SCMH1: variants seen among roughly 807,000 people sequenced by gnomAD.
SCMH1 encodes Scm polycomb group protein homolog 1, also known as polycomb protein SCMH1.
SCMH1 carries 37 observed loss-of-function variants against 70.8 expected under a neutral mutation model. The observed-to-expected ratio is 0.52, with a 90% confidence interval of 0.40 to 0.69. The LOEUF (loss-of-function observed/expected upper bound fraction) is 0.69, where lower values mean the gene tolerates loss of function less well. Ranked by LOEUF, SCMH1 falls within the 30% of genes least tolerant of loss-of-function variation. The pLI, the probability that SCMH1 is intolerant of heterozygous loss-of-function variation, is 0.00. For missense variants in SCMH1, 607 were observed against 827.3 expected (o/e 0.73, Z 3.27); for synonymous variants, 292 against 307.4 (o/e 0.95, Z 0.52).
intron 5 of SCMH1, among the ~76,000 whole-genome samples, chr1:41,145,286 T>A (rs758684181): frequency 5.3e-5 from 8 of 152,158 alleles, no homozygotes; most frequent in South Asian, 2.1e-4. Context: ...CACTTTTTTT[T>A]ATGTGGATAA....
chr1:41,159,658 A>C, intron 4 of SCMH1: 2 of 1,475,972 alleles, frequency 1.4e-6, no homozygotes, highest in Non-Finnish European at 1.8e-6. Flanking sequence ...TACCTTAAAA[A>C]GCTTGAGGAA....
intron 11 of SCMH1, 141 bp downstream of exon 11, chr1:41,048,548 TG>T (rs1647119539): frequency 2.7e-6 from 2 of 730,534 alleles, no homozygotes; most frequent in Non-Finnish European, 4.6e-6. Flanking sequence ...CTTGGGGGGT[TG>T]GAGATGAGGA....
intron 9 of SCMH1, among the ~76,000 whole-genome samples, chr1:41,073,357 C>T (rs905646471): frequency 6.6e-6 from 1 of 152,098 alleles, no homozygotes; most frequent in Non-Finnish European, 1.5e-5. Context: ...AAGTTTTCTC[C>T]CTCTTCTGAC....
chr1:41,174,788 T>C (rs1160265815), intron 2 of SCMH1, among the ~76,000 whole-genome samples: 1 of 152,220 alleles, frequency 6.6e-6, no homozygotes, highest in Non-Finnish European at 1.5e-5. Context: ...GTAACAAAAG[T>C]TGTATTGACT....
chr1:41,238,170 A>G (rs1662776699), intron 1 of SCMH1, among the ~76,000 whole-genome samples: 1 of 152,194 alleles, frequency 6.6e-6, no homozygotes, highest in South Asian at 2.1e-4. Context: ...GGCTCTTTCC[A>G]CTATACTCTG....
At chr1:41,037,100 A>C (rs1645410472) in intron 13 of SCMH1, among the ~76,000 whole-genome samples, 1 of 150,590 alleles carries the variant, frequency 6.6e-6, no homozygotes, top group Non-Finnish European at 1.5e-5. Flanking sequence ...TAAATAGTTA[A>C]TGGATGAATG....
intron 6 of SCMH1, 47 bp from the exon 7 acceptor site, chr1:41,117,057 T>C: frequency 1.3e-6 from 2 of 1,540,978 alleles, no homozygotes; most frequent in Non-Finnish European, 8.8e-7. Flanking sequence ...GTTTCAAAAA[T>C]GAATGGTGAT....
intron 1 of SCMH1, among the ~76,000 whole-genome samples, chr1:41,211,422 T>C (rs1268925732): frequency 6.6e-6 from 1 of 152,206 alleles, no homozygotes; most frequent in Non-Finnish European, 1.5e-5. Context: ...GAAAAAATGC[T>C]CATCATCACT....
chr1:41,060,106 G>A (rs961479975), intron 10 of SCMH1, among the ~76,000 whole-genome samples: 6 of 151,498 alleles, frequency 4.0e-5, no homozygotes, highest in African/African-American at 1.5e-4. Context: ...AATAAAAAGA[G>A]AAAGGAATTG....
In SCMH1 at chr1:41,117,052, A is replaced by G. The variant is rs754642094; in HGVS notation, c.413-42T>C. 2.6e-6 allele frequency: 4 copies of G among 1,557,302 alleles called. No individual in the cohort carries two copies. The Admixed American group carries it at 7.2e-5, about 28-fold the overall frequency. On this transcript the variant is annotated intron_variant, in intron 6 of 14. Transcript: ENST00000337495. Reference sequence around the variant, plus strand: ...GGGCAACAGATTAAAAGTATGTTTCAAAAATGAATGGTGATGTGGGTGGCA... The same window carrying G: ...GGGCAACAGATTAAAAGTATGTTTCGAAAATGAATGGTGATGTGGGTGGCA...
intron 8 of SCMH1, among the ~76,000 whole-genome samples, chr1:41,095,058 T>C (rs1387114094): frequency 6.6e-6 from 1 of 152,162 alleles, no homozygotes. Context: ...TCTTTATTTT[T>C]TCTCCAGATA....
At chr1:41,146,917 G>A (rs906987921) in intron 5 of SCMH1, among the ~76,000 whole-genome samples, 3 of 151,812 alleles carry the variant, frequency 2.0e-5, no homozygotes, top group African/African-American at 7.3e-5. Context: ...TCAAAATTTT[G>A]GTCAGGCATC....
chr1:41,101,129 GA>G (rs1414244257), intron 8 of SCMH1, among the ~76,000 whole-genome samples: 1 of 152,112 alleles, frequency 6.6e-6, no homozygotes, highest in Non-Finnish European at 1.5e-5. Context: ...AAGAGTATGT[GA>G]AAAGGTTTTG....
intron 8 of SCMH1, among the ~76,000 whole-genome samples, chr1:41,106,990 A>G (rs1668107072): frequency 6.6e-6 from 1 of 151,182 alleles, no homozygotes; most frequent in Admixed American, 6.6e-5. Flanking sequence ...GCCCGGCCTT[A>G]ACTATTTTTT....
chr1:41,039,479 C>CT (rs35830007), intron 12 of SCMH1, among the ~76,000 whole-genome samples: 23,905 of 145,416 alleles, frequency 0.16, 2,019 homozygotes, highest in Middle Eastern at 0.3. Flanking sequence ...ATTGCAAATA[C>CT]TTTTTTTTTT....
At chr1:41,126,336 TTTTG>T (rs1572385517) in intron 6 of SCMH1, among the ~76,000 whole-genome samples, 1 of 152,198 alleles carries the variant, frequency 6.6e-6, no homozygotes, top group South Asian at 2.1e-4. Context: ...TTTGATTCAG[TTTTG>T]TTTGTTTCTA....
At chr1:41,232,593 T>C (rs1278147514) in intron 1 of SCMH1, among the ~76,000 whole-genome samples, 2 of 152,208 alleles carry the variant, frequency 1.3e-5, no homozygotes, top group Non-Finnish European at 2.9e-5. Context: ...CCAAGTCCTA[T>C]TACTTATAAA....
At chr1:41,052,864 A>G (rs925261503) in intron 10 of SCMH1, among the ~76,000 whole-genome samples, 2 of 151,222 alleles carry the variant, frequency 1.3e-5, no homozygotes, top group Admixed American at 1.3e-4. Context: ...AATGTCTTCC[A>G]TCTTCCTTGG....
At chr1:41,039,416 G>T (rs1028192779) in intron 12 of SCMH1, among the ~76,000 whole-genome samples, 1 of 152,176 alleles carries the variant, frequency 6.6e-6, no homozygotes. Flanking sequence ...TCCTAGTCCT[G>T]ACAAGGCTGA....
Sources: allele counts gnomAD v4.1 joint callset (sites outside exome capture counted in the v4.1 genomes callset), GRCh38; gene constraint gnomAD v4.1.1; transcripts MANE v1.5; gene names NCBI Gene and HGNC (gene_info 2026-07-23, HGNC 2026-07-21).